The following ADAMTSL3 variants were observed in gnomAD, a reference collection of about 807,000 sequenced individuals.
ADAMTSL3 encodes ADAMTS-like protein 3.
In ADAMTSL3, 128 loss-of-function variants were observed where a neutral mutation model predicts 201.7. The observed-to-expected ratio is 0.63, with a 90% confidence interval of 0.55 to 0.73. The LOEUF is 0.73. ADAMTSL3 is among the 30% of genes least tolerant of loss of function. The pLI is 0.00. For synonymous variants in ADAMTSL3, 738 were observed against 748.4 expected, an observed-to-expected ratio of 0.99 and a Z score of 0.23; for missense variants, 1,990 against 2,119.6, an observed-to-expected ratio of 0.94 and a Z score of 1.20.
At chr15:83,738,149 A>G (rs1217441893) in intron 3 of ADAMTSL3, among the ~76,000 whole-genome samples, 1 of 152,248 alleles carries the variant, frequency 6.6e-6, no homozygotes, top group Non-Finnish European at 1.5e-5. Flanking sequence ...TGCAAGAAAG[A>G]TGGATGAACA....
At chr15:83,818,862 A>G (rs12439120) in intron 5 of ADAMTSL3, among the ~76,000 whole-genome samples, 1 of 152,202 alleles carries the variant, frequency 6.6e-6, no homozygotes, top group African/African-American at 2.4e-5. Context: ...TTTGTTGTAG[A>G]CAGAATTTGA....
Position 83,850,084 on chromosome 15 carries a change from C to T in ADAMTSL3, c.728-8682C>T, listed in dbSNP as rs140509739. On this transcript the variant is annotated intron_variant, in intron 7 of 29. Transcript: ENST00000286744. ...TAATACAAAAACTGATTCTATGCAA[C>T]GCTCCAAGGAAGATTAGAAAAAAAA... is the stretch of plus-strand genomic sequence containing the variant. Among the ~76,000 whole-genome samples, 58 of 151,370 alleles carry T rather than the reference C, an allele frequency of 3.8e-4. No individual in the cohort carries two copies. The East Asian group carries it at 9.8e-3, about 26-fold the overall frequency.
At chr15:84,024,741 C>CA (rs1462407876) in intron 26 of ADAMTSL3, among the ~76,000 whole-genome samples, 3 of 152,214 alleles carry the variant, frequency 2.0e-5, no homozygotes, top group Non-Finnish European at 4.4e-5. Flanking sequence ...GCTCTGCTGG[C>CA]AGGTTAGTCA....
chr15:83,774,703 T>C (rs571803680), intron 4 of ADAMTSL3, among the ~76,000 whole-genome samples: 2 of 152,324 alleles, frequency 1.3e-5, no homozygotes, highest in Non-Finnish European at 2.9e-5. Flanking sequence ...CTTCCCCATA[T>C]TTCCACCTTG....
Position 83,713,562 on chromosome 15 carries a change from C to T in ADAMTSL3, c.189+9054C>T, listed in dbSNP as rs916396352. Reference sequence around the variant, plus strand: ...GCATAAAACAAATGCATGAATAATGCACATGCAACTGTACATGCTGTTCTG... The same window carrying T: ...GCATAAAACAAATGCATGAATAATGTACATGCAACTGTACATGCTGTTCTG... On this transcript the variant is annotated intron_variant, in intron 3 of 29. Transcript: ENST00000286744. Among the ~76,000 whole-genome samples, 8 of 152,004 alleles carry T rather than the reference C, an allele frequency of 5.3e-5. No homozygotes were observed. The East Asian group carries it at 7.7e-4, about 15-fold the overall frequency.
intron 16 of ADAMTSL3, among the ~76,000 whole-genome samples, chr15:83,913,836 G>T (rs1271987209): frequency 6.6e-6 from 1 of 152,176 alleles, no homozygotes; most frequent in Admixed American, 6.5e-5. Flanking sequence ...CATGATTTAT[G>T]TTTGTGTACA....
Position 83,887,900 on chromosome 15 carries a change from A to T in ADAMTSL3, c.1073-2209A>T, listed in dbSNP as rs1414175903. 4.0e-5 allele frequency among the ~76,000 whole-genome samples: 6 copies of T among 151,704 alleles called. No homozygotes were observed. In the East Asian group the frequency reaches 1.2e-3, roughly 29 times the overall value. ...GCCACCATGCTTGGCTCAAACATCT[A>T]TTTTTTTTTAAATTTTATTTCTTTG... On this transcript the variant is annotated intron_variant, in intron 10 of 29. Transcript: ENST00000286744.
Position 84,036,958 on chromosome 15 carries a change from G to A in ADAMTSL3, c.4940G>A (p.Trp1647Ter). 2 of 1,614,080 alleles carry A rather than the reference G, an allele frequency of 1.2e-6. No individual in the cohort carries two copies. The highest frequency in any genetic ancestry group is 1.7e-6 in the Non-Finnish European group (2 of 1,179,998). ...HCVQKKKPIS[W>*]RHCLGPSCDR... is the part of the protein sequence containing the mutation. ...GTACAGAAAAAGAAACCAATTTCCT[G>A]GCGGCACTGTCTTGGGCCCTCCTGT... Residue 1647 changes from tryptophan (W) to a stop codon, truncating the protein, a stop_gained, in exon 29 of 30, where the codon TGG becomes TAG. Coordinates refer to ENST00000286744, the MANE Select transcript of ADAMTSL3 (RefSeq NM_207517.3). LOFTEE classifies it high-confidence loss of function.
At chr15:83,865,848 T>G (rs1439111559) in intron 8 of ADAMTSL3, among the ~76,000 whole-genome samples, 1 of 152,052 alleles carries the variant, frequency 6.6e-6, no homozygotes, top group Admixed American at 6.5e-5. Flanking sequence ...GGGAGAAAAT[T>G]TTTGCAATCT....
chr15:83,757,293 A>G (rs1157221696), intron 3 of ADAMTSL3, among the ~76,000 whole-genome samples: 3 of 152,222 alleles, frequency 2.0e-5, no homozygotes, highest in Non-Finnish European at 4.4e-5. Flanking sequence ...TCTGAAATCT[A>G]GGTGGAGGTT....
At chr15:84,015,159 T>C (rs971498575) in intron 24 of ADAMTSL3, among the ~76,000 whole-genome samples, 1 of 152,150 alleles carries the variant, frequency 6.6e-6, no homozygotes, top group Non-Finnish European at 1.5e-5. Flanking sequence ...TTGGCCAGGA[T>C]GGTCTCAATC....
intron 2 of ADAMTSL3, among the ~76,000 whole-genome samples, chr15:83,699,473 C>T (rs1315416658): frequency 1.3e-5 from 2 of 152,204 alleles, no homozygotes; most frequent in Non-Finnish European, 2.9e-5. Context: ...TGCCATCATC[C>T]CAGTCCAAGG....
At chr15:83,906,298 T>C (rs1395347547) in intron 15 of ADAMTSL3, among the ~76,000 whole-genome samples, 1 of 152,168 alleles carries the variant, frequency 6.6e-6, no homozygotes, top group Admixed American at 6.5e-5. Flanking sequence ...GCCGTTTGGC[T>C]CAGAACTGCA....
rs144786475 is a variant in ADAMTSL3, at chr15:84,031,345, G to A, written c.4667G>A (p.Arg1556His). The A allele has an allele frequency of 1.3e-4, 207 of 1,613,898 alleles. No homozygotes were observed. Among genetic ancestry groups the A allele is most frequent in the East Asian group, 5.6e-4 (25 of 44,858 alleles). ...QWEPGNRCPG[R>H]CMGRAVRMQQ... ...GCTTTTTTGTTCCAGTGTCCTGGACGTTGCATGGGCCGTGCTGTGAGGATG... is the reference window on the plus strand; with the variant it reads ...GCTTTTTTGTTCCAGTGTCCTGGACATTGCATGGGCCGTGCTGTGAGGATG... Residue 1556 changes from arginine to histidine, a missense_variant, in exon 28 of 30, where the codon CGT becomes CAT. Arg to His is a conservative substitution (Grantham distance 29). Coordinates refer to ENST00000286744, the MANE Select transcript of ADAMTSL3 (RefSeq NM_207517.3).
At chr15:83,896,894 G>A (rs901020315) in intron 13 of ADAMTSL3, among the ~76,000 whole-genome samples, 1 of 152,140 alleles carries the variant, frequency 6.6e-6, no homozygotes, top group African/African-American at 2.4e-5. Flanking sequence ...GTAGAAGCAA[G>A]TACCTTCTTC....
Position 83,873,591 on chromosome 15 carries a change from C to A in ADAMTSL3, c.960+2632C>A, listed in dbSNP as rs746645775. Among the ~76,000 whole-genome samples the A allele has an allele frequency of 5.5e-5, 8 of 144,438 alleles. 1 individual carries two copies. The highest frequency in any genetic ancestry group is 9.0e-5 in the Non-Finnish European group (6 of 66,574). 94.8% of individuals were successfully genotyped at this position (144,438 alleles called of 152,430 possible). ...ACAGAGTCTCACTATGTTACCCAGG[C>A]TGGCCTTGAACTCCTGGGCTCAAGC... On this transcript the variant is annotated intron_variant, in intron 9 of 29. Transcript: ENST00000286744.
intron 5 of ADAMTSL3, among the ~76,000 whole-genome samples, chr15:83,807,085 T>C (rs1379019716): frequency 6.6e-6 from 1 of 152,198 alleles, no homozygotes; most frequent in East Asian, 1.9e-4. Context: ...TAGCTATATT[T>C]ACAAGAGCTA....
chr15:83,669,624 C>A (rs894856992), intron 2 of ADAMTSL3, among the ~76,000 whole-genome samples: 3 of 151,202 alleles, frequency 2.0e-5, no homozygotes, highest in Non-Finnish European at 4.4e-5. Context: ...CCCGCCACCA[C>A]GCCCGGCTAA....
In ADAMTSL3 at chr15:83,970,567, C is replaced by T; in HGVS notation, c.2574C>T (p.Leu858=). ...RLAAKGRRIP[L]SEMMCRDLPG... ...CAGCCAAAGGTCGGCGCATCCCCCT[C>T]AGTGAGATGATGTGCAGGGATCTAC... The change falls in exon 20 of 30, where the codon CTC becomes CTT. Residue 858 remains leucine (L), a synonymous_variant. Transcript: ENST00000286744. The T allele has an allele frequency of 6.2e-7, 1 of 1,614,210 alleles. No homozygotes were observed. The highest frequency in any genetic ancestry group is 8.5e-7 in the Non-Finnish European group (1 of 1,180,022).
Sources: allele counts gnomAD v4.1 joint callset (sites outside exome capture counted in the v4.1 genomes callset), GRCh38; gene constraint gnomAD v4.1.1; transcripts MANE v1.5; gene names NCBI Gene and HGNC (gene_info 2026-07-23, HGNC 2026-07-21).